The following SFPQ variants were observed in gnomAD, a reference collection of about 807,000 sequenced individuals.
SFPQ encodes splicing factor, proline- and glutamine-rich.
Under a neutral mutation model 72.9 loss-of-function variants are expected in SFPQ, and 11 were observed. The ratio of observed to expected loss-of-function variants is 0.15; its 90% confidence interval spans 0.09 to 0.25. SFPQ has a LOEUF of 0.25. Among genes scored for constraint, SFPQ ranks in the 10% least tolerant of loss-of-function variants. The pLI is 1.00. For synonymous variants in SFPQ, 506 were observed against 367.3 expected, an observed-to-expected ratio of 1.38 and a Z score of -4.32; for missense variants, 847 against 993.3, an observed-to-expected ratio of 0.85 and a Z score of 1.98.
At chr1:35,178,628 A>C, downstream of SFPQ, 1 of 1,056,794 alleles carries the variant, frequency 9.5e-7, no homozygotes, top group Non-Finnish European at 1.1e-6. Context: ...CTGGGACAGC[A>C]AGGAACCAAT....
chr1:35,188,213 G>A, intron 6 of SFPQ, 123 bp from the exon 7 acceptor site: 1 of 719,864 alleles, frequency 1.4e-6, no homozygotes, highest in Non-Finnish European at 2.5e-6. Context: ...GGCTTAGAGT[G>A]AGCCTAGGGG....
chr1:35,189,755 T>G (rs1443935380), intron 4 of SFPQ, among the ~76,000 whole-genome samples: 1 of 151,564 alleles, frequency 6.6e-6, no homozygotes, highest in Non-Finnish European at 1.5e-5. Context: ...TTAAGACCCA[T>G]CTGGCCAACA....
Position 35,193,109 on chromosome 1 carries a change from C to G in SFPQ, c.-60G>C. ...AGAAGACGCTCAGGAAACGTGGAGG[C>G]CACCTTGCTTCTCACAAAATGGCGG... On this transcript the variant is annotated 5_prime_UTR_variant, in exon 1 of 10. Coordinates refer to ENST00000357214, the MANE Select transcript of SFPQ (RefSeq NM_005066.3). The G allele has an allele frequency of 6.7e-7, 1 of 1,494,856 alleles. No homozygotes were observed. The highest frequency in any genetic ancestry group is 1.3e-5 in the South Asian group (1 of 78,382). The allele number at this position is 1,494,856 out of a possible 1,614,324, so 92.6% of individuals were successfully genotyped here.
intron 3 of SFPQ, 44 bp downstream of exon 3, chr1:35,190,650 C>T (rs972868685): frequency 1.9e-6 from 3 of 1,608,458 alleles, no homozygotes; most frequent in Non-Finnish European, 1.7e-6. Flanking sequence ...CCACCATTCT[C>T]ATATAAGTTG....
chr1:35,176,766 C>T (rs1166903946), intron 5 of SFPQ, among the ~76,000 whole-genome samples: 2 of 150,934 alleles, frequency 1.3e-5, no homozygotes, highest in Admixed American at 6.6e-5. Flanking sequence ...CCCAGCTACT[C>T]GGGAGGCTGA....
At chr1:35,190,335 C>G (rs1166614694) in intron 4 of SFPQ, among the ~76,000 whole-genome samples, 163 bp downstream of exon 4, 1 of 152,224 alleles carries the variant, frequency 6.6e-6, no homozygotes, top group African/African-American at 2.4e-5. Context: ...AAACAGCTAT[C>G]TGAATAACAG....
chr1:35,181,639 C>G (rs915078075), downstream of SFPQ: 6 of 1,060,374 alleles, frequency 5.7e-6, no homozygotes, highest in Admixed American at 2.2e-4. Flanking sequence ...AAAAAACAAC[C>G]AGTGTTCCTC....
At chr1:35,187,933 A>G in intron 7 of SFPQ, 40 bp downstream of exon 7, 1 of 1,286,238 alleles carries the variant, frequency 7.8e-7, no homozygotes, top group Non-Finnish European at 1.1e-6. Context: ...TGCAAGTTCT[A>G]TAGACAACTC....
chr1:35,177,896 C>A, intron 4 of SFPQ: 1 of 468,178 alleles, frequency 2.1e-6, no homozygotes, highest in Non-Finnish European at 3.1e-6. Context: ...GTAAACATCT[C>A]AAATATCGAA....
At chr1:35,185,148 C>T (rs1036754865) in intron 9 of SFPQ, among the ~76,000 whole-genome samples, 17 of 152,246 alleles carry the variant, frequency 1.1e-4, no homozygotes, top group African/African-American at 3.6e-4. Context: ...TAATAAAATG[C>T]TACCAGACTA....
chr1:35,187,112 A>G lies in SFPQ; in HGVS notation c.1875T>C (p.Gly625=). Residue 625 remains glycine (G), a synonymous_variant, in exon 9 of 10, where the codon GGT becomes GGC. Coordinates refer to ENST00000357214, the MANE Select transcript of SFPQ (RefSeq NM_005066.3). ...GAGGTGGAAATTTCTGGCCTCCTGA[A>G]CCATAGGGATCTAGAAAACAAAAAT... ...GGAMNMGDPY[G]SGGQKFPPLG... is the part of the protein sequence containing the mutation. 6.2e-7 allele frequency: 1 copy of G among 1,613,998 alleles called. No individual in the cohort carries two copies. The highest frequency in any genetic ancestry group is 8.5e-7 in the Non-Finnish European group (1 of 1,179,932).
intron 5 of SFPQ, among the ~76,000 whole-genome samples, chr1:35,176,664 TCAAGAC>T (rs1431618726): frequency 6.8e-6 from 1 of 146,754 alleles, no homozygotes; most frequent in Non-Finnish European, 1.5e-5. Flanking sequence ...GGTCAGGAGA[TCAAGAC>T]CACCCTGGCT....
intron 9 of SFPQ, among the ~76,000 whole-genome samples, chr1:35,185,533 A>G (rs1639669600): frequency 6.6e-6 from 1 of 152,172 alleles, no homozygotes; most frequent in South Asian, 2.1e-4. Flanking sequence ...ATAGAAACAT[A>G]TGTGCCTAAA....
intron 7 of SFPQ, 50 bp downstream of exon 7, chr1:35,187,923 T>TGCAA: frequency 8.7e-7 from 1 of 1,153,448 alleles, no homozygotes; most frequent in Middle Eastern, 2.0e-4. Context: ...TCTAGGTACC[T>TGCAA]GCAAGTTCTA....
At chr1:35,185,022 A>G (rs1416428856) in intron 9 of SFPQ, among the ~76,000 whole-genome samples, 1 of 152,262 alleles carries the variant, frequency 6.6e-6, no homozygotes, top group Non-Finnish European at 1.5e-5. Context: ...TCACTCAATG[A>G]AGTGACAAAG....
chr1:35,192,515 G>C lies in SFPQ; in HGVS notation c.535C>G (p.Pro179Ala). 2 of 1,330,062 alleles carry C rather than the reference G, an allele frequency of 1.5e-6. No homozygotes were observed. Among genetic ancestry groups the C allele is most frequent in the Middle Eastern group, 2.7e-4 (1 of 3,640 alleles). The allele number at this position is 1,330,062 out of a possible 1,614,324, so 82.4% of individuals were successfully genotyped here. A position where few individuals can be genotyped will look rare whatever the true frequency, so the allele number is the denominator to read the frequency against. ...GGAGGCGGCGGGCCTCCGGCCTGAG[G>C]AGGTGTGGTAGGGACCCCGCTGCTT... The part of the protein sequence containing the change: ...PPSSGVPTTP[P>A]QAGGPPPPPA... The change falls in exon 1 of 10, where the codon CCT becomes GCT. Residue 179 changes from proline (P) to alanine (A), a missense_variant. This residue lies in a region of SFPQ where 498 missense variants were observed against 405.1 expected (regional missense o/e 1.23). Transcript: ENST00000357214.
At position 35,192,498 on chromosome 1, in the gene SFPQ, C is replaced by T. The variant is rs995433689; in HGVS notation, c.552G>A (p.Pro184=). 1 of 1,325,662 alleles carries T rather than the reference C, an allele frequency of 7.5e-7. No individual in the cohort carries two copies. The allele number at this position is 1,325,662 out of a possible 1,614,324, so 82.1% of individuals were successfully genotyped here. Reference sequence around the variant, plus strand: ...CCGGGACTGCCGCGGGCGGAGGCGGCGGGCCTCCGGCCTGAGGAGGTGTGG... The same window carrying T: ...CCGGGACTGCCGCGGGCGGAGGCGGTGGGCCTCCGGCCTGAGGAGGTGTGG... ...VPTTPPQAGG[P]PPPPAAVPGP... Residue 184 remains proline, a synonymous_variant, in exon 1 of 10, where the codon CCG becomes CCA. Coordinates refer to ENST00000357214, the MANE Select transcript of SFPQ (RefSeq NM_005066.3).
chr1:35,177,876 C>G (rs1394110863), intron 4 of SFPQ: 1 of 337,954 alleles, frequency 3.0e-6, no homozygotes, highest in Non-Finnish European at 4.5e-6. Context: ...GGGATATTAT[C>G]TTAGAAACGG....
In SFPQ at chr1:35,183,468, C is replaced by G; in HGVS notation, c.*988G>C. The stretch of plus-strand genomic sequence containing the variant: ...TCCTGATCTCATGATTTGCCCACCT[C>G]AGCCTCCCAAAGTGCTGGGATTACA... On this transcript the variant is annotated 3_prime_UTR_variant, in exon 10 of 10. Coordinates refer to ENST00000357214, the MANE Select transcript of SFPQ (RefSeq NM_005066.3). The G allele has an allele frequency of 7.3e-6, 5 of 684,896 alleles. No homozygotes were observed. The highest frequency in any genetic ancestry group is 9.1e-6 in the Non-Finnish European group (5 of 548,406). The allele number at this position is 684,896 out of a possible 1,614,324, so 42.4% of individuals were successfully genotyped here.
Sources: gnomAD v4.1 joint callset for allele counts (sites outside exome capture counted in the v4.1 genomes callset) on GRCh38, gnomAD v4.1.1 for gene constraint, gnomAD v4.1.1 regional missense constraint, MANE v1.5 for transcripts, NCBI Gene and HGNC (gene_info 2026-07-23, HGNC 2026-07-21) for gene names.